CDON: variants seen among roughly 807,000 people sequenced by gnomAD.
The protein encoded by CDON is cell adhesion molecule-related/down-regulated by oncogenes.
In CDON, 73 loss-of-function variants were observed where a neutral mutation model predicts 120.9. The observed-to-expected ratio is 0.60, with a 90% CI of 0.50 to 0.73. The LOEUF is 0.73. Among genes scored for constraint, CDON ranks in the 30% least tolerant of loss-of-function variants. CDON has a pLI of 0.00. For missense variants in CDON, 1,470 were observed against 1,587.3 expected (o/e 0.93, Z 1.26); for synonymous variants, 566 against 573.5 (o/e 0.99, Z 0.19).
At chr11:126,059,007 TATA>T (rs552977864) in intron 1 of CDON, among the ~76,000 whole-genome samples, 14 of 152,308 alleles carry the variant, frequency 9.2e-5, no homozygotes, top group Middle Eastern at 3.4e-3. Flanking sequence ...ATTAGAATTC[TATA>T]ATAATAATAA....
chr11:126,022,487 T>C (rs942897741), intron 2 of CDON, among the ~76,000 whole-genome samples: 1 of 152,208 alleles, frequency 6.6e-6, no homozygotes, highest in Non-Finnish European at 1.5e-5. Flanking sequence ...GGCGAGGGTG[T>C]TCTTGCACTG....
At chr11:126,002,600 T>A (rs1946978940) in intron 10 of CDON, among the ~76,000 whole-genome samples, 1 of 152,164 alleles carries the variant, frequency 6.6e-6, no homozygotes, top group African/African-American at 2.4e-5. Flanking sequence ...AAGCCTTCCC[T>A]CACAAGCCGC....
intron 14 of CDON, among the ~76,000 whole-genome samples, chr11:125,991,906 A>C (rs997654512): frequency 6.6e-6 from 1 of 152,180 alleles, no homozygotes; most frequent in Non-Finnish European, 1.5e-5. Flanking sequence ...TAGATATAAA[A>C]GCTTCTTAAT....
intron 1 of CDON, among the ~76,000 whole-genome samples, chr11:126,028,968 C>A (rs544539331): frequency 1.3e-5 from 2 of 152,054 alleles, no homozygotes; most frequent in South Asian, 2.1e-4. Flanking sequence ...TCAGGGAGTG[C>A]AAACATTTTC....
intron 18 of CDON, among the ~76,000 whole-genome samples, chr11:125,973,927 C>T (rs1187481834): frequency 6.6e-6 from 1 of 151,620 alleles, no homozygotes; most frequent in Admixed American, 6.6e-5. Flanking sequence ...CAGAGTTTCG[C>T]TCTTGTTGCC....
chr11:126,005,932 G>A lies in CDON; in HGVS notation c.1678C>T (p.Pro560Ser). The change falls in exon 9 of 20, where the codon CCC becomes TCC. Residue 560 changes from proline to serine, a missense_variant. Physicochemically the swap from Pro to Ser is moderately conservative, Grantham distance 74. Coordinates refer to ENST00000531738, the MANE Select transcript of CDON (RefSeq NM_001378964.1). ...TCTGGTGCTGATTCCACTGCACTGG[G>A]ATGGACCTTCACCGGAAATGAGCTC... ...LLSSFPVKVHPSAVESAPEKN... is the reference protein window; with the variant it reads ...LLSSFPVKVHSSAVESAPEKN... The A allele has an allele frequency of 6.2e-7, 1 of 1,614,134 alleles. No individual in the cohort carries two copies. Among genetic ancestry groups the A allele is most frequent in the East Asian group, 2.2e-5 (1 of 44,876 alleles).
At chr11:125,974,724 C>T (rs1946105906) in intron 18 of CDON, among the ~76,000 whole-genome samples, 1 of 152,068 alleles carries the variant, frequency 6.6e-6, no homozygotes, top group African/African-American at 2.4e-5. Flanking sequence ...ATCACAGTTC[C>T]ATTCTACCCC....
At chr11:126,014,408 A>G (rs1418348862) in intron 7 of CDON, among the ~76,000 whole-genome samples, 1 of 152,210 alleles carries the variant, frequency 6.6e-6, no homozygotes, top group Non-Finnish European at 1.5e-5. Flanking sequence ...TTAAAAATTG[A>G]CAATGCCCCA....
chr11:126,040,013 CCT>C (rs1948212586), intron 1 of CDON, among the ~76,000 whole-genome samples: 1 of 152,050 alleles, frequency 6.6e-6, no homozygotes, highest in Non-Finnish European at 1.5e-5. Context: ...TCTGATTTCC[CCT>C]GTGTAAAAAT....
Position 125,981,056 on chromosome 11 carries a change from A to G in CDON, c.3269T>C (p.Leu1090Pro). The change falls in exon 17 of 20, where the codon CTA (leucine) becomes CCA (proline). Residue 1090 changes from leucine to proline, a missense_variant. Physicochemically the swap from Leu to Pro is moderately conservative, Grantham distance 98. Transcript: ENST00000531738. ...THVDFEHPHH[L>P]VNGGGMYTAV... ...TATAGTTAGGTCTCTTACATTCACTAGATGATGAGGATGTTCAAAATCCAC... is the reference window on the plus strand; with the variant it reads ...TATAGTTAGGTCTCTTACATTCACTGGATGATGAGGATGTTCAAAATCCAC... 6.2e-7 allele frequency: 1 copy of G among 1,614,134 alleles called. No individual in the cohort carries two copies. The highest frequency in any genetic ancestry group is 8.5e-7 in the Non-Finnish European group (1 of 1,180,010).
Position 125,981,134 on chromosome 11 carries a change from C to G in CDON, c.3191G>C (p.Ser1064Thr), listed in dbSNP as rs113558382. The change falls in exon 17 of 20, where the codon AGC becomes ACC. Residue 1064 changes from serine (S) to threonine (T), a missense_variant. Transcript: ENST00000531738. ...CCCGGAGTAAAGCCCTCCATTTAGG[C>G]TCCCATTCACAATTCCATTGACTGC... ...PNAVNGIVNG[S>T]LNGGLYSGHS... 24 of 1,614,192 alleles carry G rather than the reference C, an allele frequency of 1.5e-5. No individual in the cohort carries two copies. Among genetic ancestry groups the G allele is most frequent in the Non-Finnish European group, 2.0e-5 (24 of 1,180,026 alleles).
intron 14 of CDON, among the ~76,000 whole-genome samples, chr11:125,993,491 C>G (rs1406649517): frequency 6.6e-6 from 1 of 152,072 alleles, no homozygotes; most frequent in African/African-American, 2.4e-5. Flanking sequence ...GAAACTACAG[C>G]AAGGTACCCT....
intron 1 of CDON, 121 bp from the exon 2 acceptor site, chr11:126,023,658 A>C: frequency 1.5e-6 from 1 of 651,010 alleles, no homozygotes; most frequent in African/African-American, 1.8e-5. Context: ...GTCAAATACC[A>C]GGCACTTAAT....
intron 15 of CDON, among the ~76,000 whole-genome samples, chr11:125,985,604 T>C (rs1946438428): frequency 6.6e-6 from 1 of 152,336 alleles, no homozygotes; most frequent in South Asian, 2.1e-4. Flanking sequence ...GGTCAATCAA[T>C]TCTGCTGTTA....
chr11:126,033,988 T>C (rs760248851), intron 1 of CDON, among the ~76,000 whole-genome samples: 1 of 152,112 alleles, frequency 6.6e-6, no homozygotes, highest in African/African-American at 2.4e-5. Context: ...AGTTGCAGGA[T>C]CTCAGACACC....
At chr11:125,997,944 CT>C (rs1946836118) in intron 11 of CDON, among the ~76,000 whole-genome samples, 1 of 152,174 alleles carries the variant, frequency 6.6e-6, no homozygotes, top group East Asian at 1.9e-4. Flanking sequence ...TAAAATCTGA[CT>C]GATAAAATCA....
intron 1 of CDON, among the ~76,000 whole-genome samples, chr11:126,056,810 C>T (rs1248766060): frequency 6.6e-6 from 1 of 152,192 alleles, no homozygotes; most frequent in Non-Finnish European, 1.5e-5. Flanking sequence ...GGTCCTGTTC[C>T]TCAAAATCTT....
chr11:126,045,306 G>A (rs929463174), intron 1 of CDON, among the ~76,000 whole-genome samples: 1 of 152,164 alleles, frequency 6.6e-6, no homozygotes, highest in Non-Finnish European at 1.5e-5. Flanking sequence ...GATTACAGGC[G>A]TGAGCCAGCA....
intron 7 of CDON, among the ~76,000 whole-genome samples, chr11:126,012,633 T>C (rs1233555200): frequency 6.6e-6 from 1 of 150,822 alleles, no homozygotes; most frequent in Non-Finnish European, 1.5e-5. Flanking sequence ...GGCCTCGAAC[T>C]CCTGAGCTCA....
Sources: allele counts gnomAD v4.1 joint callset (sites outside exome capture counted in the v4.1 genomes callset), GRCh38; gene constraint gnomAD v4.1.1; transcripts MANE v1.5; gene names NCBI Gene and HGNC (gene_info 2026-07-23, HGNC 2026-07-21).